Variants in ULK4 observed in about 807,000 individuals in gnomAD.
ULK4 encodes the protein unc-51 like kinase 4.
ULK4 carries 133 observed loss-of-function variants against 160.6 expected under a neutral mutation model. That is an observed-to-expected ratio of 0.83 (90% CI 0.72 to 0.96). The LOEUF is 0.96. ULK4 is among the 40% of genes least tolerant of loss of function. The pLI is 0.00. For missense variants in ULK4, 1,580 were observed against 1,499.5 expected (o/e 1.05, Z -0.89); for synonymous variants, 534 against 539.8 (o/e 0.99, Z 0.15).
At chr3:41,382,780 A>G (rs1298461787) in intron 35 of ULK4, among the ~76,000 whole-genome samples, 4 of 152,130 alleles carry the variant, frequency 2.6e-5, no homozygotes, top group Admixed American at 1.3e-4. Flanking sequence ...CTTTATCTTT[A>G]TATTTTTCTG....
At position 41,360,532 on chromosome 3, in the gene ULK4, T is replaced by C. The variant is rs1040048506; in HGVS notation, c.3678+37547A>G. On this transcript the variant is annotated intron_variant, in intron 35 of 36. Transcript: ENST00000301831. Reference sequence around the variant, plus strand: ...CTCAACTTAAATGGCCTATCAATGATAGACTGGATAAAGAGAATGTGGTAC... The same window carrying C: ...CTCAACTTAAATGGCCTATCAATGACAGACTGGATAAAGAGAATGTGGTAC... Among the ~76,000 whole-genome samples the C allele has an allele frequency of 3.3e-5, 5 of 152,142 alleles. No homozygotes were observed. The East Asian group carries it at 5.8e-4, about 18-fold the overall frequency.
chr3:41,246,956 C>T lies in ULK4; in HGVS notation c.3801G>A (p.Leu1267=), dbSNP rs1281215616. ...AGTGCCCAACGGCTTGGAGGATTTC[C>T]AGGGCCAAGGGAGCCACCGCACTGT... The part of the protein sequence containing the change: ...FADSAVAPLA[L]EILQAVGH Residue 1267 remains leucine, a synonymous_variant, in exon 37 of 37, where the codon CTG becomes CTA. Coordinates refer to ENST00000301831, the MANE Select transcript of ULK4 (RefSeq NM_017886.4). 4 of 1,613,720 alleles carry T rather than the reference C, an allele frequency of 2.5e-6. No homozygotes were observed. The highest frequency in any genetic ancestry group is 1.3e-5 in the African/African-American group (1 of 74,954).
At chr3:41,718,251 T>C (rs2037338665) in intron 22 of ULK4, among the ~76,000 whole-genome samples, 1 of 152,184 alleles carries the variant, frequency 6.6e-6, no homozygotes. Flanking sequence ...CTTGGGACCC[T>C]AGATAATTCA....
At chr3:41,374,461 T>C (rs1420942171) in intron 35 of ULK4, among the ~76,000 whole-genome samples, 1 of 152,164 alleles carries the variant, frequency 6.6e-6, no homozygotes, top group South Asian at 2.1e-4. Context: ...GCTTAATCTC[T>C]GGGATGCAAG....
rs761102586 is a variant in ULK4 at position 41,912,893 on chromosome 3, A to C, written c.810T>G (p.Thr270=). The C allele has an allele frequency of 6.2e-7, 1 of 1,613,970 alleles. No individual in the cohort carries two copies. Among genetic ancestry groups the C allele is most frequent in the East Asian group, 2.2e-5 (1 of 44,864 alleles). ...LLQRDPQKRL[T]WTRLLQHSFW... ...ATGAATGCTGCAGTAGCCTTGTCCA[A>C]GTCAATCTTTAAAAAACATAAATGT... The change falls in exon 9 of 37, where the codon ACT becomes ACG. Residue 270 remains threonine, a synonymous_variant. Coordinates refer to ENST00000301831, the MANE Select transcript of ULK4 (RefSeq NM_017886.4).
intron 32 of ULK4, among the ~76,000 whole-genome samples, chr3:41,468,981 T>A (rs2083902426): frequency 6.6e-6 from 1 of 152,182 alleles, no homozygotes; most frequent in African/African-American, 2.4e-5. Flanking sequence ...CAATCAGTGG[T>A]ACCAGCTAAT....
intron 34 of ULK4, among the ~76,000 whole-genome samples, chr3:41,426,512 T>C (rs923683418): frequency 1.3e-5 from 2 of 152,196 alleles, no homozygotes; most frequent in African/African-American, 2.4e-5. Flanking sequence ...GTTGATCACA[T>C]AATCTGAAGC....
intron 34 of ULK4, among the ~76,000 whole-genome samples, chr3:41,399,516 T>G (rs1345688516): frequency 2.0e-5 from 3 of 152,310 alleles, no homozygotes; most frequent in Non-Finnish European, 4.4e-5. Context: ...CTCTAACTTT[T>G]TTTTTATACT....
At chr3:41,512,102 C>T in intron 32 of ULK4, among the ~76,000 whole-genome samples, 1 of 152,056 alleles carries the variant, frequency 6.6e-6, no homozygotes, top group Non-Finnish European at 1.5e-5. Flanking sequence ...AAACCCTCGG[C>T]AAAACTGGCA....
Position 41,681,566 on chromosome 3 carries a change from C to G in ULK4, c.2920G>C (p.Ala974Pro). Reference sequence around the variant, plus strand: ...AGATTGCTGTCAGAATCAACACTGGCCTTCTCCTTGCCATCCCCAAACTCC... The same window carrying G: ...AGATTGCTGTCAGAATCAACACTGGGCTTCTCCTTGCCATCCCCAAACTCC... ...NQEFGDGKEK[A>P]SVDSDSNLLA... The change falls in exon 29 of 37, where the codon GCC becomes CCC. Residue 974 changes from alanine to proline, a missense_variant. Coordinates refer to ENST00000301831, the MANE Select transcript of ULK4 (RefSeq NM_017886.4). 1 of 1,613,974 alleles carries G rather than the reference C, an allele frequency of 6.2e-7. No individual in the cohort carries two copies. Among genetic ancestry groups the G allele is most frequent in the Non-Finnish European group, 8.5e-7 (1 of 1,179,968 alleles).
chr3:41,488,208 C>G (rs772350559), intron 32 of ULK4, among the ~76,000 whole-genome samples: 2 of 152,140 alleles, frequency 1.3e-5, no homozygotes, highest in Non-Finnish European at 2.9e-5. Flanking sequence ...TTGAGAGTAA[C>G]TTTTTAATGG....
chr3:41,918,469 G>C lies in ULK4; in HGVS notation c.715C>G (p.Pro239Ala), dbSNP rs1405116554. Residue 239 changes from proline (P) to alanine (A), a missense_variant, in exon 7 of 37, where the codon CCT (proline) becomes GCT (alanine). Coordinates refer to ENST00000301831, the MANE Select transcript of ULK4 (RefSeq NM_017886.4). ...EKILCEDPLP[P>A]IPKDSSRPKA... ...TAAGAAATCTTACCTTTCGGAATAGGTGGCAAAGGATCTTCACATAAGATC... is the reference window on the plus strand; with the variant it reads ...TAAGAAATCTTACCTTTCGGAATAGCTGGCAAAGGATCTTCACATAAGATC... 1 of 1,580,942 alleles carries C rather than the reference G, an allele frequency of 6.3e-7. No individual in the cohort carries two copies. The highest frequency in any genetic ancestry group is 8.6e-7 in the Non-Finnish European group (1 of 1,163,818).
chr3:41,470,298 C>G (rs1232545682), intron 32 of ULK4, among the ~76,000 whole-genome samples: 1 of 152,080 alleles, frequency 6.6e-6, no homozygotes, highest in Non-Finnish European at 1.5e-5. Context: ...AGAATTCCTG[C>G]AGGGCAAGAG....
At chr3:41,848,785 C>G (rs1013738278) in intron 17 of ULK4, among the ~76,000 whole-genome samples, 5 of 152,190 alleles carry the variant, frequency 3.3e-5, no homozygotes, top group Non-Finnish European at 7.3e-5. Context: ...TCTCTTGGAG[C>G]CTTTGACCTT....
intron 35 of ULK4, among the ~76,000 whole-genome samples, chr3:41,343,924 A>G (rs890454334): frequency 3.3e-5 from 5 of 152,048 alleles, no homozygotes; most frequent in Non-Finnish European, 7.4e-5. Context: ...GGCCATCTCA[A>G]TGCAATTCCC....
intron 30 of ULK4, among the ~76,000 whole-genome samples, chr3:41,619,115 C>A (rs1370336752): frequency 6.6e-6 from 1 of 151,968 alleles, no homozygotes; most frequent in Non-Finnish European, 1.5e-5. Flanking sequence ...TACAGGAGGA[C>A]CCAGATTCAT....
intron 18 of ULK4, among the ~76,000 whole-genome samples, chr3:41,832,136 GA>G (rs1477229408): frequency 1.3e-5 from 2 of 151,938 alleles, no homozygotes; most frequent in Non-Finnish European, 2.9e-5. Context: ...CACAACGGTT[GA>G]ACCAATGTAC....
chr3:41,855,209 C>T (rs986732955), intron 17 of ULK4, among the ~76,000 whole-genome samples: 3 of 137,634 alleles, frequency 2.2e-5, no homozygotes, highest in African/African-American at 1.1e-4. Context: ...ACCTTGACCA[C>T]GACTCTTAGC....
intron 2 of ULK4, among the ~76,000 whole-genome samples, chr3:41,946,998 T>C (rs988634000): frequency 6.6e-6 from 1 of 151,900 alleles, no homozygotes; most frequent in Admixed American, 6.6e-5. Context: ...TCAAGGAAAA[T>C]GAATTTGTTA....
Sources: allele counts gnomAD v4.1 joint callset (sites outside exome capture counted in the v4.1 genomes callset), GRCh38; gene constraint gnomAD v4.1.1; transcripts MANE v1.5; gene names NCBI Gene and HGNC (gene_info 2026-07-23, HGNC 2026-07-21).